CDH12: variants seen among roughly 807,000 people sequenced by gnomAD.
The protein encoded by CDH12 is cadherin-12.
Under a neutral mutation model 74.1 loss-of-function variants are expected in CDH12, and 41 were observed. The ratio of observed to expected loss-of-function variants is 0.55; its 90% confidence interval spans 0.43 to 0.72. The LOEUF (loss-of-function observed/expected upper bound fraction) is 0.72, where lower values mean the gene tolerates loss of function less well. CDH12 is among the 30% of genes least tolerant of loss of function. The pLI is 0.00. For missense variants in CDH12, 945 were observed against 977.2 expected (o/e 0.97, Z 0.44); for synonymous variants, 399 against 355.0 (o/e 1.12, Z -1.39).
At chr5:22,510,199 T>C (rs141585686) in intron 1 of CDH12, among the ~76,000 whole-genome samples, 2 of 152,136 alleles carry the variant, frequency 1.3e-5, no homozygotes, top group East Asian at 3.9e-4. Context: ...GTCAAACACA[T>C]AACAAACAAA....
chr5:22,087,379 C>A lies in CDH12; in HGVS notation c.-186-8517G>T, dbSNP rs542158278. 2.6e-5 allele frequency among the ~76,000 whole-genome samples: 4 copies of A among 152,220 alleles called. No homozygotes were observed. The East Asian group carries it at 7.8e-4, about 30-fold the overall frequency. ...AAAAGGTCGGGTGTGATGGCTCACA[C>A]CTCTAATCCCAACACTCTGTGGGGC... On this transcript the variant is annotated intron_variant, in intron 4 of 14. Transcript: ENST00000382254.
chr5:21,832,901 A>T (rs140601334), intron 8 of CDH12, among the ~76,000 whole-genome samples: 1 of 81,570 alleles, frequency 1.2e-5, no homozygotes, highest in Non-Finnish European at 2.0e-5. Flanking sequence ...TATATCATAT[A>T]ATATATGATA....
chr5:22,077,317 T>C (rs1321581070), intron 5 of CDH12, among the ~76,000 whole-genome samples: 2 of 152,180 alleles, frequency 1.3e-5, no homozygotes, highest in Non-Finnish European at 2.9e-5. Flanking sequence ...CACAATGTAA[T>C]TTATTTTAAG....
At chr5:22,687,454 C>G (rs905528622) in intron 1 of CDH12, among the ~76,000 whole-genome samples, 1 of 152,258 alleles carries the variant, frequency 6.6e-6, no homozygotes, top group Non-Finnish European at 1.5e-5. Context: ...GTTGCCCAGA[C>G]TGCAATGCAG....
At chr5:21,864,211 C>T (rs1180570805) in intron 6 of CDH12, among the ~76,000 whole-genome samples, 2 of 151,692 alleles carry the variant, frequency 1.3e-5, no homozygotes. Context: ...GGTGTGCTAG[C>T]TAATTTTAAG....
intron 1 of CDH12, among the ~76,000 whole-genome samples, chr5:22,524,660 G>A (rs1737190354): frequency 6.6e-6 from 1 of 152,140 alleles, no homozygotes; most frequent in Non-Finnish European, 1.5e-5. Context: ...GTATCAGTTG[G>A]AATAGACCAT....
At chr5:22,051,790 G>T (rs1027682409) in intron 5 of CDH12, among the ~76,000 whole-genome samples, 1 of 151,814 alleles carries the variant, frequency 6.6e-6, no homozygotes, top group Non-Finnish European at 1.5e-5. Flanking sequence ...ACTAAAAGGG[G>T]AGTGAAAAGA....
At chr5:22,655,568 G>A (rs1403047571) in intron 1 of CDH12, among the ~76,000 whole-genome samples, 3 of 152,120 alleles carry the variant, frequency 2.0e-5, no homozygotes, top group Non-Finnish European at 4.4e-5. Flanking sequence ...TTTGAAGAAG[G>A]ACCTACAATT....
chr5:21,960,918 T>C (rs569329851), intron 6 of CDH12, among the ~76,000 whole-genome samples: 31 of 152,296 alleles, frequency 2.0e-4, no homozygotes, highest in African/African-American at 7.2e-4. Flanking sequence ...AAGATAATTT[T>C]TAATCTTTTG....
rs370005107 is a variant in CDH12, at chr5:22,491,628, A to C, written c.-428+13642T>G. 5.2e-3 allele frequency among the ~76,000 whole-genome samples: 779 copies of C among 151,080 alleles called. 11 individuals are homozygous for C. Among genetic ancestry groups the C allele is most frequent in the African/African-American group, 0.018 (754 of 41,168 alleles). ...TAATGAGCAAAAAAAAAAACAAAAA[A>C]AAAAACAAAAACAACAACAATAACA... is the stretch of plus-strand genomic sequence containing the variant. On this transcript the variant is annotated intron_variant, in intron 2 of 14. Coordinates refer to ENST00000382254, the MANE Select transcript of CDH12 (RefSeq NM_004061.5).
rs892330082 is a variant in CDH12 at position 22,786,269 on chromosome 5, A to G, written c.-523+66789T>C. 3.9e-5 allele frequency among the ~76,000 whole-genome samples: 6 copies of G among 152,302 alleles called. 1 individual carries two copies. The highest frequency in any genetic ancestry group is 7.3e-5 in the Non-Finnish European group (5 of 68,030). ...TATAAGTGGGAGCCAAGTGATGAGA[A>G]CACATGGGCACATAGAGGGGAATAA... On this transcript the variant is annotated intron_variant, in intron 1 of 14. Coordinates refer to ENST00000382254, the MANE Select transcript of CDH12 (RefSeq NM_004061.5).
chr5:21,812,131 G>A (rs1747779346), intron 9 of CDH12, among the ~76,000 whole-genome samples: 1 of 152,066 alleles, frequency 6.6e-6, no homozygotes, highest in East Asian at 1.9e-4. Context: ...GTATTTTAAT[G>A]TATTCTTAAG....
chr5:21,948,476 T>C (rs533150601), intron 6 of CDH12, among the ~76,000 whole-genome samples: 8 of 152,352 alleles, frequency 5.3e-5, no homozygotes, highest in African/African-American at 1.7e-4. Flanking sequence ...ATTTCTCCAA[T>C]TTGGAATGGG....
At chr5:22,516,345 C>T (rs1041486054) in intron 1 of CDH12, among the ~76,000 whole-genome samples, 5 of 151,932 alleles carry the variant, frequency 3.3e-5, no homozygotes, top group African/African-American at 1.2e-4. Context: ...AAATAAATGG[C>T]TCTATTAAAT....
At chr5:21,837,336 A>AT (rs1302439163) in intron 8 of CDH12, among the ~76,000 whole-genome samples, 1 of 151,234 alleles carries the variant, frequency 6.6e-6, no homozygotes, top group Non-Finnish European at 1.5e-5. Flanking sequence ...TGCCATTTAC[A>AT]TTTTTTTCCA....
chr5:22,019,698 G>T (rs1249052997), intron 5 of CDH12, among the ~76,000 whole-genome samples: 1 of 152,170 alleles, frequency 6.6e-6, no homozygotes, highest in South Asian at 2.1e-4. Flanking sequence ...ATAAATTTCT[G>T]TTGTTCAAGC....
intron 4 of CDH12, among the ~76,000 whole-genome samples, chr5:22,194,901 G>T (rs1294359753): frequency 6.6e-6 from 1 of 152,100 alleles, no homozygotes; most frequent in Non-Finnish European, 1.5e-5. Flanking sequence ...GGAAACACAA[G>T]ACTTTTTTTC....
intron 4 of CDH12, among the ~76,000 whole-genome samples, chr5:22,204,778 C>G (rs905361152): frequency 1.4e-4 from 22 of 152,186 alleles, no homozygotes; most frequent in African/African-American, 2.4e-5. Flanking sequence ...AGCTAATGGT[C>G]TCTCTTTTCC....
At chr5:22,656,496 A>C (rs1262213176) in intron 1 of CDH12, among the ~76,000 whole-genome samples, 2 of 152,210 alleles carry the variant, frequency 1.3e-5, no homozygotes, top group African/African-American at 4.8e-5. Context: ...GACATAGTGG[A>C]GATACAAATT....
Sources: gnomAD v4.1 joint callset for allele counts (sites outside exome capture counted in the v4.1 genomes callset) on GRCh38, gnomAD v4.1.1 for gene constraint, MANE v1.5 for transcripts, NCBI Gene and HGNC (gene_info 2026-07-23, HGNC 2026-07-21) for gene names.